CCSER1: variants seen among roughly 807,000 people sequenced by gnomAD.
The protein encoded by CCSER1 is serine-rich coiled-coil domain-containing protein 1.
A neutral mutation model predicts 82.0 loss-of-function variants in CCSER1; 41 were observed. The ratio of observed to expected loss-of-function variants is 0.50; its 90% CI spans 0.39 to 0.65. The LOEUF is 0.65. Ranked by LOEUF, CCSER1 falls within the 30% of genes least tolerant of loss-of-function variation. CCSER1 has a pLI of 0.00. For missense variants in CCSER1, 1,119 were observed against 1,064.2 expected (o/e 1.05, Z -0.72); for synonymous variants, 414 against 383.9 (o/e 1.08, Z -0.92).
In CCSER1 at chr4:90,628,111, A is replaced by G; in HGVS notation, c.1811A>G (p.Asp604Gly). 6.2e-7 allele frequency: 1 copy of G among 1,613,650 alleles called. No homozygotes were observed. Among genetic ancestry groups the G allele is most frequent in the East Asian group, 2.2e-5 (1 of 44,870 alleles). Residue 604 changes from aspartate (D) to glycine (G), a missense_variant, in exon 6 of 11, where the codon GAT (aspartate) becomes GGT (glycine). By Grantham distance (94) the Asp-to-Gly change is moderately conservative. Transcript: ENST00000509176. The part of the protein sequence containing the change: ...ISRMPNSPSA[D>G]WPLQGVEENG... ...CGAATGCCCAACAGTCCATCTGCGG[A>G]TTGGCCTCTACAAGGTGTGGAAGAA...
intron 8 of CCSER1, among the ~76,000 whole-genome samples, chr4:90,822,727 CAAAA>C (rs58985334): frequency 0.033 from 2,548 of 76,850 alleles, 85 homozygotes; most frequent in African/African-American, 0.11. Context: ...GACTCCATCT[CAAAA>C]AAAAAAAAAA....
At chr4:90,798,319 T>A (rs1280371911) in intron 7 of CCSER1, among the ~76,000 whole-genome samples, 1 of 152,096 alleles carries the variant, frequency 6.6e-6, no homozygotes, top group Non-Finnish European at 1.5e-5. Context: ...GTTTTTCAGG[T>A]CTATCATGTT....
chr4:91,470,450 A>AT (rs1482211509), intron 10 of CCSER1, among the ~76,000 whole-genome samples: 1 of 151,634 alleles, frequency 6.6e-6, no homozygotes, highest in East Asian at 1.9e-4. Context: ...AATGGTAAAA[A>AT]AAATAAAAAT....
intron 10 of CCSER1, among the ~76,000 whole-genome samples, chr4:91,144,340 G>T (rs1729337790): frequency 6.8e-6 from 1 of 148,064 alleles, no homozygotes; most frequent in African/African-American, 2.5e-5. Context: ...TTGCATATTT[G>T]GATCTCTCTT....
chr4:91,164,168 T>G (rs1731765358), intron 10 of CCSER1, among the ~76,000 whole-genome samples: 1 of 152,184 alleles, frequency 6.6e-6, no homozygotes, highest in Admixed American at 6.5e-5. Context: ...GTAAAGAATT[T>G]TATTTCTCCT....
At chr4:90,551,339 C>T (rs151301258) in intron 5 of CCSER1, among the ~76,000 whole-genome samples, 196 of 152,134 alleles carry the variant, frequency 1.3e-3, no homozygotes, top group African/African-American at 4.5e-3. Flanking sequence ...GTTTTTCTCC[C>T]TCATATTTCA....
intron 10 of CCSER1, among the ~76,000 whole-genome samples, chr4:91,577,998 T>G (rs2110303268): frequency 6.6e-6 from 1 of 152,134 alleles, no homozygotes; most frequent in African/African-American, 2.4e-5. Flanking sequence ...TCAGCAAGTT[T>G]GCTAGAAGTT....
intron 1 of CCSER1, among the ~76,000 whole-genome samples, chr4:90,134,758 T>C (rs1723377458): frequency 6.6e-6 from 1 of 152,228 alleles, no homozygotes; most frequent in Admixed American, 6.5e-5. Flanking sequence ...TCAGATTTAA[T>C]TTAGTTTCTT....
At chr4:90,449,689 A>G (rs1761167359) in intron 4 of CCSER1, among the ~76,000 whole-genome samples, 1 of 152,192 alleles carries the variant, frequency 6.6e-6, no homozygotes, top group Admixed American at 6.5e-5. Flanking sequence ...CTGGGTCATA[A>G]CAGTTGTCAG....
intron 5 of CCSER1, among the ~76,000 whole-genome samples, chr4:90,619,996 A>G (rs964499544): frequency 3.9e-5 from 6 of 152,162 alleles, no homozygotes; most frequent in African/African-American, 1.4e-4. Flanking sequence ...TCTTTTTAAG[A>G]CTAAGCCAGA....
At chr4:91,378,244 G>T (rs1370804357) in intron 10 of CCSER1, among the ~76,000 whole-genome samples, 1 of 152,144 alleles carries the variant, frequency 6.6e-6, no homozygotes, top group Non-Finnish European at 1.5e-5. Flanking sequence ...CTCTTTTGTG[G>T]TTCCATATGA....
chr4:91,253,619 A>T (rs993786544), intron 10 of CCSER1, among the ~76,000 whole-genome samples: 1 of 152,214 alleles, frequency 6.6e-6, no homozygotes, highest in African/African-American at 2.4e-5. Context: ...GACAAAATAG[A>T]CTTAACAATA....
chr4:91,392,361 ATG>A (rs1751705972), intron 10 of CCSER1, among the ~76,000 whole-genome samples: 2 of 120,660 alleles, frequency 1.7e-5, no homozygotes, highest in African/African-American at 6.2e-5. Context: ...AAACCTACAC[ATG>A]CACACACACA....
intron 10 of CCSER1, among the ~76,000 whole-genome samples, chr4:91,169,838 T>C (rs1408515545): frequency 6.6e-6 from 1 of 152,168 alleles, no homozygotes. Context: ...AAACTGCTAG[T>C]TGCCTATCCC....
At chr4:91,436,384 A>G (rs1334939282) in intron 10 of CCSER1, among the ~76,000 whole-genome samples, 1 of 152,200 alleles carries the variant, frequency 6.6e-6, no homozygotes, top group Non-Finnish European at 1.5e-5. Flanking sequence ...TTATGAAGAA[A>G]GGAAATAGGA....
intron 10 of CCSER1, among the ~76,000 whole-genome samples, chr4:91,509,629 G>A (rs1429631634): frequency 1.3e-5 from 2 of 151,908 alleles, no homozygotes; most frequent in African/African-American, 4.8e-5. Flanking sequence ...TTCACCTTCT[G>A]CCTAGTTGTT....
At chr4:90,992,713 C>T (rs901761553) in intron 9 of CCSER1, among the ~76,000 whole-genome samples, 1 of 151,888 alleles carries the variant, frequency 6.6e-6, no homozygotes, top group African/African-American at 2.4e-5. Context: ...GCTGGCTGTT[C>T]ACTGGAGGCC....
chr4:90,610,832 G>T (rs1023264491), intron 5 of CCSER1, among the ~76,000 whole-genome samples: 1 of 152,044 alleles, frequency 6.6e-6, no homozygotes, highest in Non-Finnish European at 1.5e-5. Context: ...TTAATGAGAT[G>T]AGAAAAATTT....
chr4:91,320,915 T>A (rs1746148933), intron 10 of CCSER1, among the ~76,000 whole-genome samples: 1 of 152,066 alleles, frequency 6.6e-6, no homozygotes, highest in Admixed American at 6.6e-5. Context: ...GGAAAGTGAA[T>A]GATTGAATTG....
Sources: allele counts gnomAD v4.1 joint callset (sites outside exome capture counted in the v4.1 genomes callset), GRCh38; gene constraint gnomAD v4.1.1; transcripts MANE v1.5; gene names NCBI Gene and HGNC (gene_info 2026-07-23, HGNC 2026-07-21).